XYLT1: variants seen among roughly 807,000 people sequenced by gnomAD.
The protein encoded by XYLT1 is xylosyltransferase 1.
Under a neutral mutation model 91.3 loss-of-function variants are expected in XYLT1, and 36 were observed. That is an observed-to-expected ratio of 0.39 (90% CI 0.30 to 0.52). The LOEUF is 0.52. Ranked by LOEUF, XYLT1 falls within the 20% of genes least tolerant of loss-of-function variation. The probability of loss-of-function intolerance (pLI) is 0.68; values close to 1 mark genes in which losing one functional copy is unlikely to be tolerated. For missense variants in XYLT1, 1,242 were observed against 1,284.5 expected (o/e 0.97, Z 0.51); for synonymous variants, 588 against 532.0 (o/e 1.11, Z -1.45).
Position 17,158,581 on chromosome 16 carries a change from G to T in XYLT1, c.1370+248C>A, listed in dbSNP as rs1024678861. The stretch of plus-strand genomic sequence containing the variant: ...TGCTGCAATGAGATATTGGACTTGT[G>T]GAAGTCCTTGGGGGAAGTAATCAAA... On this transcript the variant is annotated intron_variant, in intron 6 of 11. Transcript: ENST00000261381. Among the ~76,000 whole-genome samples, 3 of 152,320 alleles carry T rather than the reference G, an allele frequency of 2.0e-5. No homozygotes were observed. The South Asian group carries it at 6.2e-4, about 32-fold the overall frequency.
chr16:17,260,836 C>T (rs1173821292), intron 2 of XYLT1, among the ~76,000 whole-genome samples: 2 of 152,140 alleles, frequency 1.3e-5, no homozygotes, highest in Non-Finnish European at 2.9e-5. Flanking sequence ...TATGCAGACC[C>T]CTGCTCTGCT....
At chr16:17,201,887 G>C (rs915035865) in intron 3 of XYLT1, among the ~76,000 whole-genome samples, 10 of 152,132 alleles carry the variant, frequency 6.6e-5, no homozygotes, top group Admixed American at 4.6e-4. Flanking sequence ...ATTGCCAAGG[G>C]GGGATGAGGG....
intron 10 of XYLT1, among the ~76,000 whole-genome samples, chr16:17,121,509 T>G (rs8045261): frequency 0.67 from 101,108 of 152,012 alleles, 34,298 homozygotes; most frequent in Non-Finnish European, 0.72. Context: ...CTTAACATAC[T>G]GCTCCCTGGC....
intron 3 of XYLT1, among the ~76,000 whole-genome samples, chr16:17,202,219 G>A (rs1214312145): frequency 6.6e-6 from 1 of 152,206 alleles, no homozygotes; most frequent in East Asian, 1.9e-4. Context: ...TGTCAGGGTA[G>A]TAGCTGCAAG....
intron 5 of XYLT1, among the ~76,000 whole-genome samples, chr16:17,172,869 AGCCC>A (rs1316279034): frequency 3.9e-5 from 6 of 152,120 alleles, no homozygotes; most frequent in Non-Finnish European, 8.8e-5. Context: ...AGGACATTTA[AGCCC>A]GGGTTTTATT....
At chr16:17,165,360 C>T (rs975684893) in intron 5 of XYLT1, among the ~76,000 whole-genome samples, 14 of 152,182 alleles carry the variant, frequency 9.2e-5, no homozygotes, top group Non-Finnish European at 1.9e-4. Context: ...AGGCAGACTT[C>T]ATCCTTTTAA....
chr16:17,172,537 T>A (rs2031849236), intron 5 of XYLT1, among the ~76,000 whole-genome samples: 2 of 147,984 alleles, frequency 1.4e-5, no homozygotes, highest in South Asian at 2.1e-4. Flanking sequence ...AGTGGCGTGA[T>A]CTCGGCTCAC....
intron 5 of XYLT1, among the ~76,000 whole-genome samples, chr16:17,195,947 A>G (rs751416186): frequency 6.6e-6 from 1 of 152,216 alleles, no homozygotes; most frequent in Non-Finnish European, 1.5e-5. Context: ...CAAATGAACA[A>G]AATTGTGGTA....
At chr16:17,462,944 C>T (rs1199084473) in intron 1 of XYLT1, among the ~76,000 whole-genome samples, 1 of 152,126 alleles carries the variant, frequency 6.6e-6, no homozygotes, top group Non-Finnish European at 1.5e-5. Flanking sequence ...ACTTTAATAT[C>T]AACTCATTTT....
At chr16:17,327,052 T>C (rs1342167917) in intron 2 of XYLT1, among the ~76,000 whole-genome samples, 1 of 152,154 alleles carries the variant, frequency 6.6e-6, no homozygotes, top group African/African-American at 2.4e-5. Context: ...TTCTCAGTTA[T>C]ACAATAGACA....
intron 2 of XYLT1, among the ~76,000 whole-genome samples, chr16:17,321,186 G>A (rs1455307316): frequency 3.3e-5 from 5 of 151,638 alleles, no homozygotes; most frequent in South Asian, 4.2e-4. Context: ...TACTCTCCCC[G>A]GGTGATTCCA....
At chr16:17,445,409 G>A (rs969106732) in intron 1 of XYLT1, among the ~76,000 whole-genome samples, 1 of 152,250 alleles carries the variant, frequency 6.6e-6, no homozygotes, top group Non-Finnish European at 1.5e-5. Context: ...TAAAGAAAGA[G>A]GTGACCACAT....
At chr16:17,248,254 G>A (rs936284121) in intron 3 of XYLT1, among the ~76,000 whole-genome samples, 6 of 152,198 alleles carry the variant, frequency 3.9e-5, no homozygotes, top group African/African-American at 1.2e-4. Context: ...TTTGCCTTCC[G>A]CCATGATTTT....
rs116045406 is a variant in XYLT1 at position 17,237,399 on chromosome 16, C to G, written c.913+21589G>C. 2.2e-3 allele frequency among the ~76,000 whole-genome samples: 331 copies of G among 152,274 alleles called. 1 individual carries two copies. The highest frequency in any genetic ancestry group is 7.7e-3 in the African/African-American group (322 of 41,564). On this transcript the variant is annotated intron_variant, in intron 3 of 11. Coordinates refer to ENST00000261381, the MANE Select transcript of XYLT1 (RefSeq NM_022166.4). ...TCCCTTGGGGTGACTCCTGCCCTCT[C>G]CTCTGCCTTCCCACACTCAGCAATG...
chr16:17,161,389 G>T (rs998456116), intron 5 of XYLT1, among the ~76,000 whole-genome samples: 2 of 152,162 alleles, frequency 1.3e-5, no homozygotes. Context: ...GCTTGGCAAA[G>T]GATCCTGATG....
chr16:17,165,292 A>G (rs2031649897), intron 5 of XYLT1, among the ~76,000 whole-genome samples: 1 of 152,188 alleles, frequency 6.6e-6, no homozygotes, highest in Non-Finnish European at 1.5e-5. Context: ...GGGAACATGT[A>G]TATACATGGA....
chr16:17,111,961 C>A (rs11646184), intron 11 of XYLT1, among the ~76,000 whole-genome samples: 19 of 152,150 alleles, frequency 1.2e-4, no homozygotes, highest in African/African-American at 4.1e-4. Context: ...GTCTTTGGTG[C>A]GGGCCCTAAT....
chr16:17,127,545 C>G, intron 10 of XYLT1, 121 bp downstream of exon 10: 1 of 1,227,884 alleles, frequency 8.1e-7, no homozygotes, highest in Non-Finnish European at 1.1e-6. Flanking sequence ...GTTAGCTTAT[C>G]TTTAGGGATC....
At chr16:17,301,419 A>G (rs1336576782) in intron 2 of XYLT1, among the ~76,000 whole-genome samples, 1 of 152,070 alleles carries the variant, frequency 6.6e-6, no homozygotes, top group East Asian at 1.9e-4. Flanking sequence ...CAAAATAATA[A>G]TAATAGTCTT....
Sources: allele counts gnomAD v4.1 joint callset (sites outside exome capture counted in the v4.1 genomes callset), GRCh38; gene constraint gnomAD v4.1.1; transcripts MANE v1.5; gene names NCBI Gene and HGNC (gene_info 2026-07-23, HGNC 2026-07-21).